Variants in COL9A2 observed in about 807,000 individuals in gnomAD.
COL9A2 encodes collagen alpha-2(IX) chain.
In COL9A2, 66 loss-of-function variants were observed where a neutral mutation model predicts 111.6. That is an observed-to-expected ratio of 0.59 (90% CI 0.48 to 0.73). The LOEUF is 0.73. Ranked by LOEUF, COL9A2 falls within the 30% of genes least tolerant of loss-of-function variation. The probability of loss-of-function intolerance (pLI) is 0.00; values close to 1 mark genes in which losing one functional copy is unlikely to be tolerated. For synonymous variants in COL9A2, 353 were observed against 364.1 expected (o/e 0.97, Z 0.35); for missense variants, 881 against 954.1 (o/e 0.92, Z 1.01).
At chr1:40,315,954 C>T (rs1003348197) in intron 1 of COL9A2, 4 of 347,820 alleles carry the variant, frequency 1.2e-5, no homozygotes, top group African/African-American at 8.4e-5. Context: ...GCGGCGGCGC[C>T]AGGAGTCCGC....
Position 40,311,136 on chromosome 1 carries a change from C to A in COL9A2, c.587G>T (p.Gly196Val). The change falls in exon 12 of 32, where the codon GGC becomes GTC. Residue 196 changes from glycine (G) to valine (V), a missense_variant. Physicochemically the swap from Gly to Val is moderately radical, Grantham distance 109 (BLOSUM62 -3). Transcript: ENST00000372748. The surrounding 1 kb of genome is among the most constrained non-coding windows in gnomAD (Gnocchi z 5.1). ...PGLQGVKGHA[G>V]KRGILGDPGH... is the part of the protein sequence containing the mutation. The stretch of plus-strand genomic sequence containing the variant: ...AGGATCACCCAGAATCCCGCGTTTG[C>A]CCGCATGCCCCTGAAGGGAAGGAGA... 1.9e-6 allele frequency: 3 copies of A among 1,614,224 alleles called. No homozygotes were observed. The highest frequency in any genetic ancestry group is 2.5e-6 in the Non-Finnish European group (3 of 1,180,038).
chr1:40,312,189 C>A lies in COL9A2; in HGVS notation c.364-77G>T. 2 of 1,272,392 alleles carry A rather than the reference C, an allele frequency of 1.6e-6. No individual in the cohort carries two copies. The highest frequency in any genetic ancestry group is 1.3e-5 in the South Asian group (1 of 75,162). 78.8% of individuals were successfully genotyped at this position (1,272,392 alleles called of 1,614,324 possible). On this transcript the variant is annotated intron_variant, in intron 7 of 31. Transcript: ENST00000372748. The surrounding 1 kb of genome is among the most constrained non-coding windows in gnomAD (Gnocchi z 6.0). ...GGGCACAAAGGTAGAGACAGGCACC[C>A]AAAGCCCGTTTCTCCACTTTTACTT...
At position 40,300,930 on chromosome 1, in the gene COL9A2, C is replaced by T. The variant is rs1417785381; in HGVS notation, c.*252G>A. 7 of 498,612 alleles carry T rather than the reference C, an allele frequency of 1.4e-5. No individual in the cohort carries two copies. Among genetic ancestry groups the T allele is most frequent in the African/African-American group, 9.6e-5 (5 of 51,936 alleles). The allele number at this position is 498,612 out of a possible 1,614,324, so 30.9% of individuals were successfully genotyped here. Reference sequence around the variant, plus strand: ...GAATGATGCTCGCTGGAAGGAAAGCCGCCCTATTCCTTCAGCGCTTCGACT... The same window carrying T: ...GAATGATGCTCGCTGGAAGGAAAGCTGCCCTATTCCTTCAGCGCTTCGACT... On this transcript the variant is annotated 3_prime_UTR_variant, in exon 32 of 32. Coordinates refer to ENST00000372748, the MANE Select transcript of COL9A2 (RefSeq NM_001852.4). The surrounding 1 kb of genome is among the most constrained non-coding windows in gnomAD (Gnocchi z 4.4).
Position 40,307,471 on chromosome 1 carries a change from C to T in COL9A2, c.983G>A (p.Gly328Glu), listed in dbSNP as rs1457079207. 3.1e-6 allele frequency: 5 copies of T among 1,614,108 alleles called. No homozygotes were observed. The highest frequency in any genetic ancestry group is 4.2e-6 in the Non-Finnish European group (5 of 1,180,002). The change falls in exon 19 of 32, where the codon GGA (glycine) becomes GAA (glutamate). Residue 328 changes from glycine to glutamate, a missense_variant. Gly to Glu is a moderately conservative substitution (Grantham distance 98). Coordinates refer to ENST00000372748, the MANE Select transcript of COL9A2 (RefSeq NM_001852.4). This position sits in a 1 kb window ranked among gnomAD's most constrained non-coding sequence, Gnocchi z 4.8. ...KGSAGQAGQP[G>E]SPGHQGLAGV... is the part of the protein sequence containing the mutation. ...CGCTAGGCCCTGGTGGCCTGGACTTCCGGGCTGTCCCGCCTGTCCTGCACT... is the reference window on the plus strand; with the variant it reads ...CGCTAGGCCCTGGTGGCCTGGACTTTCGGGCTGTCCCGCCTGTCCTGCACT...
rs1450060110 is a variant in COL9A2 at position 40,310,872 on chromosome 1, G to T, written c.631-105C>A. On this transcript the variant is annotated intron_variant, in intron 12 of 31. Transcript: ENST00000372748. This position sits in a 1 kb window ranked among gnomAD's most constrained non-coding sequence, Gnocchi z 4.9. Reference sequence around the variant, plus strand: ...TTCCCCAGCACAAGCAGACGGGAGGGACTACTACGAACCCTACAGTCCTGT... The same window carrying T: ...TTCCCCAGCACAAGCAGACGGGAGGTACTACTACGAACCCTACAGTCCTGT... The T allele has an allele frequency of 2.8e-6, 3 of 1,087,920 alleles. No homozygotes were observed. The highest frequency in any genetic ancestry group is 4.1e-6 in the Non-Finnish European group (3 of 727,226). The allele number at this position is 1,087,920 out of a possible 1,614,324, so 67.4% of individuals were successfully genotyped here. A position where few individuals can be genotyped will look rare whatever the true frequency, so the allele number is the denominator to read the frequency against.
Position 40,312,297 on chromosome 1 carries a change from C to A in COL9A2, c.363+159G>T. ...GAATTGCAGAGCCAGTGGACAGGCC[C>A]AGAGTGGGCTGGCCCTGGGTCTCTG... is the stretch of plus-strand genomic sequence containing the variant. On this transcript the variant is annotated intron_variant, in intron 7 of 31. Coordinates refer to ENST00000372748, the MANE Select transcript of COL9A2 (RefSeq NM_001852.4). The surrounding 1 kb of genome is among the most constrained non-coding windows in gnomAD (Gnocchi z 6.0). 8.9e-7 allele frequency: 1 copy of A among 1,126,766 alleles called. No homozygotes were observed. The highest frequency in any genetic ancestry group is 1.3e-6 in the Non-Finnish European group (1 of 763,650). The allele number at this position is 1,126,766 out of a possible 1,614,324, so 69.8% of individuals were successfully genotyped here.
chr1:40,311,909 G>C lies in COL9A2; in HGVS notation c.417+150C>G. On this transcript the variant is annotated intron_variant, in intron 8 of 31. Transcript: ENST00000372748. This position sits in a 1 kb window ranked among gnomAD's most constrained non-coding sequence, Gnocchi z 5.1. ...GGCGTCCCTAAAAGACCTAGTGCCG[G>C]GTGGGCTCATAGGAGGGGTTTCTGC... is the stretch of plus-strand genomic sequence containing the variant. 1.0e-6 allele frequency: 1 copy of C among 997,352 alleles called. No homozygotes were observed. Among genetic ancestry groups the C allele is most frequent in the East Asian group, 2.6e-5 (1 of 38,538 alleles). The allele number at this position is 997,352 out of a possible 1,614,324, so 61.8% of individuals were successfully genotyped here. A position where few individuals can be genotyped will look rare whatever the true frequency, so the allele number is the denominator to read the frequency against.
rs1307920439 is a variant in COL9A2, at chr1:40,303,197, G to A, written c.1549-12C>T. ...GTGGCATCCCGGCCCTGAAAGCAGA[G>A]GCCTTTCAGGAAGAAGCCCCTGGCT... On this transcript the variant is annotated splice_polypyrimidine_tract_variant and intron_variant, in intron 28 of 31. Transcript: ENST00000372748. This position sits in a 1 kb window ranked among gnomAD's most constrained non-coding sequence, Gnocchi z 4.6. 6.2e-7 allele frequency: 1 copy of A among 1,608,344 alleles called. No individual in the cohort carries two copies. Among genetic ancestry groups the A allele is most frequent in the Non-Finnish European group, 8.5e-7 (1 of 1,177,204 alleles).
chr1:40,305,257 C>G (rs1042984805), intron 21 of COL9A2, among the ~76,000 whole-genome samples: 1 of 151,772 alleles, frequency 6.6e-6, no homozygotes, highest in African/African-American at 2.4e-5. Flanking sequence ...TTAGTAGAGA[C>G]GGGGTTTCAC....
chr1:40,304,284 C>T, intron 24 of COL9A2, 36 bp downstream of exon 24: 4 of 1,550,370 alleles, frequency 2.6e-6, no homozygotes, highest in Non-Finnish European at 3.5e-6. Context: ...TGTTATAGGG[C>T]CCCTTTCCCA....
intron 16 of COL9A2, among the ~76,000 whole-genome samples, chr1:40,309,494 G>A (rs1248296410): frequency 6.6e-6 from 1 of 151,338 alleles, no homozygotes; most frequent in Non-Finnish European, 1.5e-5. Context: ...TTAGCCCCAT[G>A]GCTGATTTGC....
chr1:40,304,920 C>T, intron 21 of COL9A2, 73 bp from the exon 22 acceptor site: 1 of 1,359,512 alleles, frequency 7.4e-7, no homozygotes, highest in Admixed American at 2.1e-5. Context: ...GCCAGCCCCT[C>T]CCTACCCTGG....
intron 24 of COL9A2, 44 bp from the exon 25 acceptor site, chr1:40,304,143 C>T: frequency 6.5e-7 from 1 of 1,526,900 alleles, no homozygotes; most frequent in Non-Finnish European, 8.8e-7. Context: ...CTCCCCCCTC[C>T]ACGGGGTCCC....
Position 40,301,275 on chromosome 1 carries a change from C to A in COL9A2, c.1977G>T (p.Gly659=). 6.2e-7 allele frequency: 1 copy of A among 1,613,900 alleles called. No individual in the cohort carries two copies. Among genetic ancestry groups the A allele is most frequent in the Non-Finnish European group, 8.5e-7 (1 of 1,179,892 alleles). ...CGGCAGGTTCACAGAAGCCCGGCAG[C>A]CCCACGGGGCCTGGCAGGCCAGGTC... ...AGRPGLPGPV[G]LPGFCEPAAC... The change falls in exon 32 of 32, where the codon GGG becomes GGT. Residue 659 remains glycine, a synonymous_variant. Transcript: ENST00000372748.
chr1:40,314,842 C>A lies in COL9A2; in HGVS notation c.151-455G>T, dbSNP rs1185569950. Among the ~76,000 whole-genome samples the A allele has an allele frequency of 6.6e-6, 1 of 152,110 alleles. No individual in the cohort carries two copies. The highest frequency in any genetic ancestry group is 2.4e-5 in the African/African-American group (1 of 41,438). ...GGGAAGCTGAGCCAGTGGCAAGGAC[C>A]AAGGGGGACTGCAAGGGGGAAATTC... On this transcript the variant is annotated intron_variant, in intron 2 of 31. Coordinates refer to ENST00000372748, the MANE Select transcript of COL9A2 (RefSeq NM_001852.4). This position sits in a 1 kb window ranked among gnomAD's most constrained non-coding sequence, Gnocchi z 4.1.
intron 20 of COL9A2, 119 bp from the exon 21 acceptor site, chr1:40,305,887 T>C (rs1569722714): frequency 1.1e-6 from 1 of 922,836 alleles, no homozygotes; most frequent in Non-Finnish European, 1.8e-6. Context: ...GGGGAGAGGG[T>C]ATTCTTGGTT....
chr1:40,309,193 A>T (rs894729604), intron 16 of COL9A2, among the ~76,000 whole-genome samples: 2 of 152,138 alleles, frequency 1.3e-5, no homozygotes, highest in Non-Finnish European at 2.9e-5. Flanking sequence ...GTGAGCCGAG[A>T]TCGCACCATG....
At position 40,311,096 on chromosome 1, in the gene COL9A2, C is replaced by T; in HGVS notation, c.627G>A (p.Lys209=). Residue 209 remains lysine (K), a synonymous_variant, in exon 12 of 32, where the codon AAG becomes AAA. Coordinates refer to ENST00000372748, the MANE Select transcript of COL9A2 (RefSeq NM_001852.4). The surrounding 1 kb of genome is among the most constrained non-coding windows in gnomAD (Gnocchi z 5.1). ...GILGDPGHQG[K]PGPKGDVGAS... ...AGCCCTCAGCCCTTGCACTCACCGGCTTCCCCTGGTGGCCAGGATCACCCA... is the reference window on the plus strand; with the variant it reads ...AGCCCTCAGCCCTTGCACTCACCGGTTTCCCCTGGTGGCCAGGATCACCCA... 6.2e-7 allele frequency: 1 copy of T among 1,614,128 alleles called. No individual in the cohort carries two copies. Among genetic ancestry groups the T allele is most frequent in the Non-Finnish European group, 8.5e-7 (1 of 1,180,032 alleles).
intron 16 of COL9A2, among the ~76,000 whole-genome samples, chr1:40,309,606 C>G (rs200160098): frequency 4.1e-5 from 5 of 122,270 alleles, no homozygotes; most frequent in African/African-American, 2.2e-4. Flanking sequence ...AGATGGTCCT[C>G]CCCAGCAGGT....
Sources: gnomAD v4.1 joint callset for allele counts (sites outside exome capture counted in the v4.1 genomes callset) on GRCh38, gnomAD v4.1.1 for gene constraint, Gnocchi (gnomAD v3.1) non-coding constraint, MANE v1.5 for transcripts, NCBI Gene and HGNC (gene_info 2026-07-23, HGNC 2026-07-21) for gene names.